Variants in KANK3 observed in about 807,000 individuals in gnomAD.
KANK3 encodes KN motif and ankyrin repeat domain-containing protein 3.
A neutral mutation model predicts 65.4 loss-of-function variants in KANK3; 61 were observed. That is an observed-to-expected ratio of 0.93 (90% CI 0.76 to 1.15). KANK3 has a LOEUF of 1.15. Ranked by LOEUF, KANK3 falls within the 50% of genes most tolerant of loss-of-function variation. The pLI is 0.00. For synonymous variants in KANK3, 586 were observed against 543.3 expected (o/e 1.08, Z -1.09); for missense variants, 1,187 against 1,178.8 (o/e 1.01, Z -0.10).
At chr19:8,330,114 G>A (rs1226742272) in intron 7 of KANK3, among the ~76,000 whole-genome samples, 1 of 152,148 alleles carries the variant, frequency 6.6e-6, no homozygotes, top group African/African-American at 2.4e-5. Context: ...AAGGAAGAGG[G>A]TGAAAGGTCT....
intron 2 of KANK3, 129 bp from the exon 3 acceptor site, chr19:8,335,921 AT>A: frequency 1.6e-6 from 1 of 618,522 alleles, no homozygotes; most frequent in Non-Finnish European, 2.3e-6. Flanking sequence ...TATTAACTCA[AT>A]CGCTTGTTTA....
chr19:8,325,736 G>A (rs1009890749), intron 7 of KANK3, among the ~76,000 whole-genome samples: 2 of 152,046 alleles, frequency 1.3e-5, no homozygotes, highest in East Asian at 1.9e-4. Flanking sequence ...GCCACCACCC[G>A]CCAAGCCACC....
Position 8,334,754 on chromosome 19 carries a change from A to G in KANK3, c.1073T>C (p.Leu358Pro), listed in dbSNP as rs761145884. 1.3e-6 allele frequency: 2 copies of G among 1,525,370 alleles called. No homozygotes were observed. The highest frequency in any genetic ancestry group is 4.0e-5 in the Admixed American group (2 of 50,384). The allele number at this position is 1,525,370 out of a possible 1,614,324, so 94.5% of individuals were successfully genotyped here. A position where few individuals can be genotyped will look rare whatever the true frequency, so the allele number is the denominator to read the frequency against. ...GCGCTGGTGCTCCAGACTGGCGCGCAGCAGCTCTAGCTCGCGCTCGGCGGC... is the reference window on the plus strand; with the variant it reads ...GCGCTGGTGCTCCAGACTGGCGCGCGGCAGCTCTAGCTCGCGCTCGGCGGC... ...PAAAERELEL[L>P]RASLEHQRGV... The change falls in exon 3 of 11, where the codon CTG becomes CCG. Residue 358 changes from leucine to proline, a missense_variant. Physicochemically the swap from Leu to Pro is moderately conservative, Grantham distance 98. Transcript: ENST00000330915.
chr19:8,334,244 T>C (rs2145430780), intron 4 of KANK3, 76 bp downstream of exon 4: 1 of 1,585,424 alleles, frequency 6.3e-7, no homozygotes. Flanking sequence ...ACGCTGCCAG[T>C]AGAGGGGCAG....
At position 8,337,871 on chromosome 19, in the gene KANK3, A is replaced by C. The variant is rs781180506; in HGVS notation, c.-28-15T>G. 6.2e-7 allele frequency: 1 copy of C among 1,612,842 alleles called. No individual in the cohort carries two copies. Among genetic ancestry groups the C allele is most frequent in the South Asian group, 1.1e-5 (1 of 91,070 alleles). ...TCAGAGGCACCCTGCAAAAGGGGTGAAGGTGGGGCTGGGCGCTGTCCCTCT... is the reference window on the plus strand; with the variant it reads ...TCAGAGGCACCCTGCAAAAGGGGTGCAGGTGGGGCTGGGCGCTGTCCCTCT... On this transcript the variant is annotated splice_polypyrimidine_tract_variant and intron_variant, in intron 1 of 10. Transcript: ENST00000330915.
Position 8,333,370 on chromosome 19 carries a change from G to C in KANK3, c.1720-140C>G. The C allele has an allele frequency of 1.4e-6, 1 of 710,052 alleles. No homozygotes were observed. The highest frequency in any genetic ancestry group is 2.3e-6 in the Non-Finnish European group (1 of 435,696). 44.0% of individuals were successfully genotyped at this position (710,052 alleles called of 1,614,324 possible). ...AAGGAAGGTCACTCCTCGTCCAGGT[G>C]GGGAGCCATGCGAACCCAGATGGAG... On this transcript the variant is annotated intron_variant, in intron 6 of 10. Transcript: ENST00000330915. This position sits in a 1 kb window ranked among gnomAD's most constrained non-coding sequence, Gnocchi z 5.0.
chr19:8,334,052 C>G lies in KANK3; in HGVS notation c.1492G>C (p.Glu498Gln). ...GAGCCCGAGGAGCTACCCGGGGGCT[C>G]GGCGCCACCGTTCTCGCTGTCGCCA... ...SDGDSENGGA[E>Q]PPGSSSGSGD... Residue 498 changes from glutamate to glutamine, a missense_variant, in exon 5 of 11, where the codon GAG becomes CAG. Around this residue, in one of 3 missense-constraint regions of KANK3, gnomAD observed 1,078 missense variants for 1,038.2 expected, o/e 1.04. Transcript: ENST00000330915. 2.0e-6 allele frequency: 3 copies of G among 1,538,126 alleles called. No homozygotes were observed. Among genetic ancestry groups the G allele is most frequent in the Non-Finnish European group, 2.6e-6 (3 of 1,147,332 alleles).
In KANK3 at chr19:8,324,670, A is replaced by T; in HGVS notation, c.2243T>A (p.Leu748Gln). ...EYGRLDTVRL[L>Q]LTQPGCDPAI... ...AGGGTCACAGCCTGGCTGGGTGAGC[A>T]GCAGCCGCACGGTGTCCAGGCGCCC... The change falls in exon 9 of 11, where the codon CTG becomes CAG. Residue 748 changes from leucine (L) to glutamine (Q), a missense_variant. This residue lies in a region of KANK3 where 1,078 missense variants were observed against 1,038.2 expected (regional missense o/e 1.04). Coordinates refer to ENST00000330915, the MANE Select transcript of KANK3 (RefSeq NM_198471.3). The T allele has an allele frequency of 1.2e-6, 2 of 1,613,998 alleles. No homozygotes were observed. Among genetic ancestry groups the T allele is most frequent in the Non-Finnish European group, 1.7e-6 (2 of 1,180,026 alleles).
chr19:8,322,942 G>C lies in KANK3; in HGVS notation c.2383-20C>G, dbSNP rs763622737. On this transcript the variant is annotated intron_variant, in intron 10 of 10. Transcript: ENST00000330915. ...CTCGCTCTGGAGAGAGGGGAAAAGA[G>C]GGGGGCCTGCTGCAATCTCCTTGAG... 8.0e-6 allele frequency: 11 copies of C among 1,367,490 alleles called. No homozygotes were observed. In the South Asian group the frequency reaches 1.3e-4, roughly 16 times the overall value. 84.7% of individuals were successfully genotyped at this position (1,367,490 alleles called of 1,614,324 possible).
chr19:8,335,803 G>T lies in KANK3; in HGVS notation c.35-11C>A. Reference sequence around the variant, plus strand: ...GGGGGCCGCCCAGGTCTGGAGGCACGACGGGGGCACGGGGAGGGCGCATCA... The same window carrying T: ...GGGGGCCGCCCAGGTCTGGAGGCACTACGGGGGCACGGGGAGGGCGCATCA... On this transcript the variant is annotated splice_polypyrimidine_tract_variant and intron_variant, in intron 2 of 10. Transcript: ENST00000330915. The T allele has an allele frequency of 8.1e-7, 1 of 1,231,024 alleles. No homozygotes were observed. The highest frequency in any genetic ancestry group is 4.1e-5 in the South Asian group (1 of 24,292). 76.3% of individuals were successfully genotyped at this position (1,231,024 alleles called of 1,614,324 possible).
chr19:8,332,982 TGG>T (rs1568574304), intron 7 of KANK3, 30 bp downstream of exon 7: 1 of 487,286 alleles, frequency 2.1e-6, no homozygotes, highest in Non-Finnish European at 4.1e-6. Flanking sequence ...ACCCATTTCC[TGG>T]TGTCCCACCC....
intron 7 of KANK3, among the ~76,000 whole-genome samples, chr19:8,330,629 G>A (rs932234645): frequency 2.0e-5 from 3 of 152,086 alleles, no homozygotes; most frequent in Admixed American, 6.6e-5. Flanking sequence ...TCGGGAGGCT[G>A]AGGCAGGAGA....
intron 10 of KANK3, 74 bp from the exon 11 acceptor site, chr19:8,322,996 T>C: frequency 1.2e-6 from 1 of 844,022 alleles, no homozygotes; most frequent in Non-Finnish European, 1.8e-6. Context: ...AGCCCCAGCC[T>C]CACTTAGTGG....
intron 7 of KANK3, among the ~76,000 whole-genome samples, chr19:8,328,947 A>G (rs1473281024): frequency 6.6e-6 from 1 of 152,026 alleles, no homozygotes; most frequent in Non-Finnish European, 1.5e-5. Flanking sequence ...AGGTGGGCGG[A>G]TCACGAGGTC....
At position 8,333,094 on chromosome 19, in the gene KANK3, GC is replaced by G; in HGVS notation, c.1855del (p.Ala619ArgfsTer51). 1 of 1,605,446 alleles carries G rather than the reference GC, an allele frequency of 6.2e-7. No individual in the cohort carries two copies. Among genetic ancestry groups the G allele is most frequent in the Non-Finnish European group, 8.5e-7 (1 of 1,176,706 alleles). On this transcript the variant is annotated frameshift_variant, in exon 7 of 11. Transcript: ENST00000330915. LOFTEE classifies it high-confidence loss of function. The surrounding 1 kb of genome is among the most constrained non-coding windows in gnomAD (Gnocchi z 5.0). ...CAGGGCCGTGTTCCCGTTGCCATCCGCCAGGTTCACCACGTGCGCCAGCAGT... is the reference window on the plus strand; with the variant it reads ...CAGGGCCGTGTTCCCGTTGCCATCCGCAGGTTCACCACGTGCGCCAGCAGT... ...PELLAHVVNL[A>X]DGNGNTALHY...
At chr19:8,323,688 GC>G (rs1568568667) in intron 10 of KANK3, 1 of 152,110 alleles carries the variant, frequency 6.6e-6, no homozygotes, top group Non-Finnish European at 1.5e-5. Context: ...AGCTGCAGTC[GC>G]CCCACTGCAC....
At chr19:8,339,848 C>T (rs540642340) in intron 1 of KANK3, among the ~76,000 whole-genome samples, 14 of 151,776 alleles carry the variant, frequency 9.2e-5, no homozygotes, top group African/African-American at 2.9e-4. Context: ...CCTGTAGTCC[C>T]AGCTACTCAA....
chr19:8,325,387 CTCCACCTCCGGAG>C (rs1276247317), intron 7 of KANK3, among the ~76,000 whole-genome samples: 1 of 143,422 alleles, frequency 7.0e-6, no homozygotes, highest in Non-Finnish European at 1.5e-5. Flanking sequence ...TCACTGCAAT[CTCCACCTCCGGAG>C]TAGCTGGAAC....
In KANK3 at chr19:8,324,830, T is replaced by A; in HGVS notation, c.2083A>T (p.Thr695Ser). The change falls in exon 9 of 11, where the codon ACG (threonine) becomes TCG (serine). Residue 695 changes from threonine (T) to serine (S), a missense_variant and splice_region_variant. By Grantham distance (58) the Thr-to-Ser change is moderately conservative. Transcript: ENST00000330915. ...MGDVNAKASQ[T>S]GQTALMLAIS... The stretch of plus-strand genomic sequence containing the variant: ...GCCAGCATGAGGGCTGTCTGCCCCG[T>A]CTGGGGAGTGGGGAGGAAGAGGGAA... 2 of 1,609,240 alleles carry A rather than the reference T, an allele frequency of 1.2e-6. No individual in the cohort carries two copies. The highest frequency in any genetic ancestry group is 1.7e-6 in the Non-Finnish European group (2 of 1,177,016).
Sources: gnomAD v4.1 joint callset for allele counts (sites outside exome capture counted in the v4.1 genomes callset) on GRCh38, gnomAD v4.1.1 for gene constraint, gnomAD v4.1.1 regional missense constraint, Gnocchi (gnomAD v3.1) non-coding constraint, MANE v1.5 for transcripts, NCBI Gene and HGNC (gene_info 2026-07-23, HGNC 2026-07-21) for gene names.